Variants in NOVA1 observed in about 807,000 individuals in gnomAD.
NOVA1 encodes NOVA alternative splicing regulator 1.
Under a neutral mutation model 38.0 loss-of-function variants are expected in NOVA1, and 7 were observed. The observed-to-expected ratio is 0.18, with a 90% CI of 0.10 to 0.35. The LOEUF (loss-of-function observed/expected upper bound fraction) is 0.35. Ranked by LOEUF, NOVA1 falls within the 10% of genes least tolerant of loss-of-function variation. The pLI, the probability that NOVA1 is intolerant of heterozygous loss-of-function variation, is 1.00. For missense variants in NOVA1, 460 were observed against 616.0 expected (o/e 0.75, Z 2.68); for synonymous variants, 270 against 232.5 (o/e 1.16, Z -1.47).
chr14:26,500,818 A>G lies in NOVA1; in HGVS notation c.281-20675T>C, dbSNP rs531222570. 5.3e-5 allele frequency among the ~76,000 whole-genome samples: 8 copies of G among 152,070 alleles called. No individual in the cohort carries two copies. In the East Asian group the frequency reaches 7.7e-4, roughly 15 times the overall value. On this transcript the variant is annotated intron_variant, in intron 2 of 4. Coordinates refer to ENST00000539517, the MANE Select transcript of NOVA1 (RefSeq NM_002515.3). ...ATTTTTTAAAGTATTAAAGCTCCCA[A>G]ATATTTGCCTAACAGTTCTCTAAGT...
At chr14:26,537,816 C>G (rs1890209924) in intron 2 of NOVA1, among the ~76,000 whole-genome samples, 1 of 152,046 alleles carries the variant, frequency 6.6e-6, no homozygotes, top group South Asian at 2.1e-4. Context: ...GAAAACAAAA[C>G]AGAGACAGTA....
At chr14:26,528,674 T>C (rs964955325) in intron 2 of NOVA1, among the ~76,000 whole-genome samples, 5 of 152,138 alleles carry the variant, frequency 3.3e-5, no homozygotes, top group African/African-American at 4.8e-5. Context: ...AGCTCAACTG[T>C]TGACCAATGA....
At chr14:26,545,626 C>T (rs1357296001) in intron 2 of NOVA1, among the ~76,000 whole-genome samples, 1 of 152,066 alleles carries the variant, frequency 6.6e-6, no homozygotes, top group Admixed American at 6.6e-5. Flanking sequence ...CTATTATATG[C>T]TAAGCACTCT....
intron 2 of NOVA1, among the ~76,000 whole-genome samples, chr14:26,527,765 G>A (rs1001116067): frequency 1.2e-4 from 18 of 152,126 alleles, no homozygotes; most frequent in Non-Finnish European, 2.2e-4. Flanking sequence ...AAAGACAGAC[G>A]GACTATTTCA....
intron 4 of NOVA1, among the ~76,000 whole-genome samples, chr14:26,461,028 T>A (rs1250845746): frequency 6.6e-6 from 1 of 152,190 alleles, no homozygotes; most frequent in Non-Finnish European, 1.5e-5. Flanking sequence ...TAATGTTCTG[T>A]CTTGAGAACA....
chr14:26,532,188 T>C (rs537985454), intron 2 of NOVA1, among the ~76,000 whole-genome samples: 1 of 152,244 alleles, frequency 6.6e-6, no homozygotes, highest in East Asian at 1.9e-4. Context: ...TCCTAAGTAT[T>C]TACCCAAGAT....
intron 2 of NOVA1, among the ~76,000 whole-genome samples, chr14:26,564,810 T>C (rs1027065605): frequency 5.9e-5 from 9 of 152,166 alleles, no homozygotes; most frequent in African/African-American, 2.2e-4. Context: ...TGTAAAACTA[T>C]GTCCAACTGG....
chr14:26,495,892 A>C, intron 2 of NOVA1, among the ~76,000 whole-genome samples: 3 of 123,720 alleles, frequency 2.4e-5, no homozygotes, highest in African/African-American at 2.7e-5. Flanking sequence ...AATCCAGTCT[A>C]TCATTGTTGG....
chr14:26,544,119 C>G (rs1890640339), intron 2 of NOVA1, among the ~76,000 whole-genome samples: 1 of 151,668 alleles, frequency 6.6e-6, no homozygotes, highest in South Asian at 2.1e-4. Context: ...TCCCATGGGA[C>G]AGATAACCCC....
At chr14:26,508,802 CAT>C (rs767753695) in intron 2 of NOVA1, among the ~76,000 whole-genome samples, 2 of 151,274 alleles carry the variant, frequency 1.3e-5, no homozygotes, top group Non-Finnish European at 3.0e-5. Context: ...AATGGAGTAA[CAT>C]ATGATTTTAA....
Position 26,579,053 on chromosome 14 carries a change from C to CTTTTT in NOVA1, c.280+16352_280+16356dup, listed in dbSNP as rs869075814. The stretch of plus-strand genomic sequence containing the variant: ...TTTTTTTTCCATAGCAGGTGGTATT[C>CTTTTT]TTTTTTTTTTTTTTTTTTTTTTTGA... On this transcript the variant is annotated intron_variant, in intron 2 of 4. Coordinates refer to ENST00000539517, the MANE Select transcript of NOVA1 (RefSeq NM_002515.3). Among the ~76,000 whole-genome samples the CTTTTT allele has an allele frequency of 3.6e-3, 291 of 80,078 alleles. 6 individuals are homozygous for CTTTTT. Among genetic ancestry groups the CTTTTT allele is most frequent in the East Asian group, 5.4e-3 (12 of 2,238 alleles). The allele number at this position is 80,078 out of a possible 152,430, so 52.5% of individuals were successfully genotyped here.
intron 4 of NOVA1, chr14:26,470,373 A>G: frequency 6.6e-7 from 1 of 1,503,954 alleles, no homozygotes; most frequent in Admixed American, 1.8e-5. Context: ...GGGAGAAAAT[A>G]ATTACAAAGT....
intron 2 of NOVA1, among the ~76,000 whole-genome samples, chr14:26,587,319 A>AAC (rs1462366554): frequency 2.0e-4 from 30 of 150,274 alleles, no homozygotes; most frequent in South Asian, 4.2e-4. Flanking sequence ...AAAAAAAAAA[A>AAC]AAAACAAAAA....
chr14:26,540,705 G>A (rs1890412394), intron 2 of NOVA1, among the ~76,000 whole-genome samples: 1 of 152,136 alleles, frequency 6.6e-6, no homozygotes, highest in South Asian at 2.1e-4. Context: ...GGAATAATGT[G>A]AGATTAATTT....
At chr14:26,559,793 A>T (rs1280862999) in intron 2 of NOVA1, among the ~76,000 whole-genome samples, 1 of 152,106 alleles carries the variant, frequency 6.6e-6, no homozygotes, top group Non-Finnish European at 1.5e-5. Context: ...ATACAGTTTG[A>T]TAGTGTTTGA....
At chr14:26,584,158 T>C (rs1893383351) in intron 2 of NOVA1, among the ~76,000 whole-genome samples, 1 of 151,634 alleles carries the variant, frequency 6.6e-6, no homozygotes, top group East Asian at 1.9e-4. Flanking sequence ...ACCTTTTTTT[T>C]CTTCCATACT....
intron 2 of NOVA1, chr14:26,519,562 AAAG>A (rs1459390049): frequency 2.6e-5 from 4 of 152,174 alleles, no homozygotes; most frequent in South Asian, 2.1e-4. Flanking sequence ...CACCTATGCA[AAAG>A]AAGTAGAAAA....
intron 4 of NOVA1, chr14:26,470,270 A>T: frequency 7.8e-7 from 1 of 1,278,520 alleles, no homozygotes; most frequent in East Asian, 2.7e-5. Context: ...AAGCTAAATT[A>T]ATCAGGACTA....
intron 2 of NOVA1, among the ~76,000 whole-genome samples, chr14:26,533,610 C>T (rs1889871911): frequency 6.6e-6 from 1 of 152,112 alleles, no homozygotes; most frequent in Non-Finnish European, 1.5e-5. Flanking sequence ...ATTTTTATGA[C>T]TTTGTACATG....
Sources: allele counts gnomAD v4.1 joint callset (sites outside exome capture counted in the v4.1 genomes callset), GRCh38; gene constraint gnomAD v4.1.1; transcripts MANE v1.5; gene names NCBI Gene and HGNC (gene_info 2026-07-23, HGNC 2026-07-21).